PEX14: variants seen among roughly 807,000 people sequenced by gnomAD.
The protein encoded by PEX14 is peroxisomal biogenesis factor 14, also known as peroxisomal membrane protein PEX14.
A neutral mutation model predicts 49.5 loss-of-function variants in PEX14; 15 were observed. The ratio of observed to expected loss-of-function variants is 0.30; its 90% confidence interval spans 0.20 to 0.47. PEX14 has a LOEUF of 0.47. Ranked by LOEUF, PEX14 falls within the 20% of genes least tolerant of loss-of-function variation. The pLI is 1.00. For missense variants in PEX14, 398 were observed against 494.8 expected (o/e 0.80, Z 1.86); for synonymous variants, 210 against 212.7 (o/e 0.99, Z 0.11).
intron 3 of PEX14, among the ~76,000 whole-genome samples, chr1:10,578,431 A>G (rs1476894752): frequency 6.6e-6 from 1 of 152,166 alleles, no homozygotes; most frequent in African/African-American, 2.4e-5. Context: ...TTGTGCCTAC[A>G]CCAGATCTAC....
chr1:10,623,531 C>T lies in PEX14; in HGVS notation c.487+410C>T, dbSNP rs1641655489. On this transcript the variant is annotated intron_variant, in intron 6 of 8. Transcript: ENST00000356607. The surrounding 1 kb of genome is among the most constrained non-coding windows in gnomAD (Gnocchi z 4.4). ...ATTACTGTGGCTCCCGGGACCCCAG[C>T]CACCTCCCCTGTTATCGACTCAACA... is the stretch of plus-strand genomic sequence containing the variant. Among the ~76,000 whole-genome samples the T allele has an allele frequency of 1.3e-5, 2 of 152,130 alleles. No homozygotes were observed. Among genetic ancestry groups the T allele is most frequent in the African/African-American group, 4.8e-5 (2 of 41,406 alleles).
At chr1:10,590,459 A>T (rs1444925505) in intron 3 of PEX14, among the ~76,000 whole-genome samples, 1 of 152,142 alleles carries the variant, frequency 6.6e-6, no homozygotes, top group African/African-American at 2.4e-5. Flanking sequence ...TTTTGTTATC[A>T]ATATATAATC....
At chr1:10,585,874 C>T (rs949871073) in intron 3 of PEX14, among the ~76,000 whole-genome samples, 1 of 152,038 alleles carries the variant, frequency 6.6e-6, no homozygotes, top group African/African-American at 2.4e-5. Flanking sequence ...CTAGCCTGGG[C>T]GACAGAGCGA....
At chr1:10,560,075 G>A (rs1024815467) in intron 3 of PEX14, among the ~76,000 whole-genome samples, 4 of 142,110 alleles carry the variant, frequency 2.8e-5, no homozygotes, top group Non-Finnish European at 6.1e-5. Context: ...TTTTTTTTTT[G>A]AGACGGAGTT....
chr1:10,620,547 G>A (rs1641559494), intron 5 of PEX14, among the ~76,000 whole-genome samples: 1 of 152,102 alleles, frequency 6.6e-6, no homozygotes, highest in Admixed American at 6.6e-5. Context: ...CAGGACTTTG[G>A]GAGGCTGAGG....
chr1:10,499,617 T>G (rs903684316), intron 2 of PEX14, among the ~76,000 whole-genome samples: 3 of 151,914 alleles, frequency 2.0e-5, no homozygotes, highest in Non-Finnish European at 2.9e-5. Flanking sequence ...CCCAGCTAAT[T>G]TTTGTATTTT....
chr1:10,554,987 C>T (rs561785644), intron 3 of PEX14, among the ~76,000 whole-genome samples: 1 of 152,170 alleles, frequency 6.6e-6, no homozygotes, highest in Non-Finnish European at 1.5e-5. Flanking sequence ...TCTCTAGAGG[C>T]ATCTTCCTCA....
At chr1:10,511,023 C>G (rs754768767) in intron 2 of PEX14, among the ~76,000 whole-genome samples, 1 of 152,040 alleles carries the variant, frequency 6.6e-6, no homozygotes, top group Non-Finnish European at 1.5e-5. Context: ...CCCACCTCCT[C>G]GTTCTCCACA....
chr1:10,566,916 C>T (rs768035572), intron 3 of PEX14, among the ~76,000 whole-genome samples: 1 of 152,000 alleles, frequency 6.6e-6, no homozygotes. Context: ...TTTTTTCCAG[C>T]TAATAAAATA....
At position 10,554,258 on chromosome 1, in the gene PEX14, C is replaced by T. The variant is rs1024694084; in HGVS notation, c.169+17961C>T. Among the ~76,000 whole-genome samples, 12 of 149,036 alleles carry T rather than the reference C, an allele frequency of 8.1e-5. No individual in the cohort carries two copies. In the East Asian group the frequency reaches 1.6e-3, roughly 20 times the overall value. ...GGCGGAGCTTGTAGTGAGCCGAGATCGCACCACTGCACTCCAGCCTGGGTG... is the reference window on the plus strand; with the variant it reads ...GGCGGAGCTTGTAGTGAGCCGAGATTGCACCACTGCACTCCAGCCTGGGTG... On this transcript the variant is annotated intron_variant, in intron 3 of 8. Coordinates refer to ENST00000356607, the MANE Select transcript of PEX14 (RefSeq NM_004565.3).
intron 3 of PEX14, among the ~76,000 whole-genome samples, chr1:10,549,309 C>A (rs1639268838): frequency 2.0e-5 from 3 of 152,144 alleles, no homozygotes; most frequent in Admixed American, 2.0e-4. Flanking sequence ...AAGAACAAAG[C>A]CATACTCTCC....
chr1:10,609,331 C>T (rs1641211425), intron 4 of PEX14, among the ~76,000 whole-genome samples: 1 of 151,998 alleles, frequency 6.6e-6, no homozygotes, highest in Non-Finnish European at 1.5e-5. Context: ...CTTCTTAATT[C>T]TTTTCTTTCT....
chr1:10,542,578 G>A (rs1342441916), intron 3 of PEX14, among the ~76,000 whole-genome samples: 2 of 152,148 alleles, frequency 1.3e-5, no homozygotes, highest in African/African-American at 4.8e-5. Flanking sequence ...TAGCTAACAC[G>A]GTGAAACCCC....
intron 2 of PEX14, among the ~76,000 whole-genome samples, chr1:10,521,985 C>T (rs573262642): frequency 3.9e-5 from 6 of 152,168 alleles, no homozygotes; most frequent in East Asian, 1.9e-4. Context: ...CCCCAGTGAT[C>T]GTAGTGTTGT....
intron 7 of PEX14, among the ~76,000 whole-genome samples, chr1:10,624,850 G>A (rs867239396): frequency 5.3e-5 from 8 of 152,086 alleles, no homozygotes; most frequent in African/African-American, 9.7e-5. Context: ...GAAGCGAGTC[G>A]CAGTCAGTTC....
rs1409481387 is a variant in PEX14, at chr1:10,599,373, C to T, written c.298+7C>T. On this transcript the variant is annotated splice_region_variant and intron_variant, in intron 4 of 8. Coordinates refer to ENST00000356607, the MANE Select transcript of PEX14 (RefSeq NM_004565.3). The stretch of plus-strand genomic sequence containing the variant: ...CTCATATCTCAGCCATACAGTAAGT[C>T]ACCCGCTCAAACTCCTGCTTAACCT... The T allele has an allele frequency of 6.2e-7, 1 of 1,614,126 alleles. No individual in the cohort carries two copies. Among genetic ancestry groups the T allele is most frequent in the Admixed American group, 1.7e-5 (1 of 60,028 alleles).
intron 3 of PEX14, among the ~76,000 whole-genome samples, chr1:10,559,708 T>C (rs1197980354): frequency 1.3e-5 from 2 of 152,202 alleles, no homozygotes; most frequent in African/African-American, 4.8e-5. Context: ...TAGGACATCA[T>C]CAGAAGTGAT....
rs1640854022 is a variant in PEX14, at chr1:10,597,251, T to C, written c.170-1987T>C. Among the ~76,000 whole-genome samples, 1 of 152,216 alleles carries C rather than the reference T, an allele frequency of 6.6e-6. No individual in the cohort carries two copies. Among genetic ancestry groups the C allele is most frequent in the African/African-American group, 2.4e-5 (1 of 41,460 alleles). On this transcript the variant is annotated intron_variant, in intron 3 of 8. Coordinates refer to ENST00000356607, the MANE Select transcript of PEX14 (RefSeq NM_004565.3). The surrounding 1 kb of genome is among the most constrained non-coding windows in gnomAD (Gnocchi z 5.7). The stretch of plus-strand genomic sequence containing the variant: ...CACACGAACCACCAGGTTTATAAAA[T>C]TCCGTAGTGTACCAGTGACCATCAG...
At chr1:10,605,329 A>G (rs1330574524) in intron 4 of PEX14, among the ~76,000 whole-genome samples, 1 of 152,168 alleles carries the variant, frequency 6.6e-6, no homozygotes, top group African/African-American at 2.4e-5. Flanking sequence ...CACCTTCAGG[A>G]GCTGCTGTTC....
Sources: gnomAD v4.1 joint callset for allele counts (sites outside exome capture counted in the v4.1 genomes callset) on GRCh38, gnomAD v4.1.1 for gene constraint, Gnocchi (gnomAD v3.1) non-coding constraint, MANE v1.5 for transcripts, NCBI Gene and HGNC (gene_info 2026-07-23, HGNC 2026-07-21) for gene names.